The following ZFHX3 variants were observed in gnomAD, a reference collection of about 807,000 sequenced individuals.
ZFHX3 encodes zinc finger homeobox protein 3.
ZFHX3 carries 42 observed loss-of-function variants against 279.1 expected under a neutral mutation model. The observed-to-expected ratio is 0.15, with a 90% CI of 0.12 to 0.19. ZFHX3 has a LOEUF of 0.19. Ranked by LOEUF, ZFHX3 falls within the 10% of genes least tolerant of loss-of-function variation. The pLI is 1.00. For synonymous variants in ZFHX3, 2,293 were observed against 1,957.8 expected (o/e 1.17, Z -4.52); for missense variants, 4,981 against 4,754.0 (o/e 1.05, Z -1.40).
intron 7 of ZFHX3, among the ~76,000 whole-genome samples, chr16:73,093,945 A>G (rs955410952): frequency 2.0e-5 from 3 of 152,356 alleles, no homozygotes; most frequent in African/African-American, 7.2e-5. Flanking sequence ...TGTAGCCGGC[A>G]TGGCACGGGT....
intron 4 of ZFHX3, among the ~76,000 whole-genome samples, chr16:73,306,385 T>G (rs538790878): frequency 7.9e-5 from 12 of 152,242 alleles, no homozygotes; most frequent in Non-Finnish European, 1.8e-4. Context: ...AGTGGTGCCA[T>G]CTCGGCTCAC....
At chr16:72,946,011 T>C (rs1228199445) in intron 3 of ZFHX3, among the ~76,000 whole-genome samples, 1 of 152,224 alleles carries the variant, frequency 6.6e-6, no homozygotes, top group Non-Finnish European at 1.5e-5. Context: ...CCGTCTACCA[T>C]ACGATGATTT....
chr16:72,824,122 T>C (rs1242380055), intron 5 of ZFHX3, among the ~76,000 whole-genome samples: 1 of 152,194 alleles, frequency 6.6e-6, no homozygotes, highest in Admixed American at 6.5e-5. Flanking sequence ...GACCTGCTTT[T>C]TTTCAACCTC....
At chr16:72,833,276 T>A (rs2037108384) in intron 4 of ZFHX3, among the ~76,000 whole-genome samples, 1 of 152,210 alleles carries the variant, frequency 6.6e-6, no homozygotes, top group Non-Finnish European at 1.5e-5. Context: ...TCTTTAGGAA[T>A]GTAGATTTGA....
intron 1 of ZFHX3, among the ~76,000 whole-genome samples, chr16:73,033,092 G>T (rs892365649): frequency 6.6e-6 from 1 of 152,016 alleles, no homozygotes. Context: ...TTGACCCCAC[G>T]CGACAGGGGA....
intron 3 of ZFHX3, among the ~76,000 whole-genome samples, chr16:73,336,321 C>T (rs1434417612): frequency 4.6e-5 from 7 of 152,086 alleles, no homozygotes; most frequent in Admixed American, 1.3e-4. Context: ...GTTTGGTGTA[C>T]AGGGTAATCC....
chr16:73,569,436 C>T (rs546487104), intron 2 of ZFHX3, among the ~76,000 whole-genome samples: 3 of 151,044 alleles, frequency 2.0e-5, no homozygotes, highest in East Asian at 3.9e-4. Context: ...AAAGAGATAC[C>T]GATGTTCCCA....
chr16:73,650,498 G>GA (rs1411680816), intron 2 of ZFHX3, among the ~76,000 whole-genome samples: 3 of 152,208 alleles, frequency 2.0e-5, no homozygotes, highest in South Asian at 2.1e-4. Context: ...AGAGCAGAGA[G>GA]AAAAAAATGA....
chr16:73,417,313 A>G (rs962829153), intron 3 of ZFHX3, among the ~76,000 whole-genome samples: 6 of 152,074 alleles, frequency 3.9e-5, no homozygotes, highest in South Asian at 2.1e-4. Context: ...GACGTGAGTG[A>G]AAACACCGGT....
intron 1 of ZFHX3, among the ~76,000 whole-genome samples, chr16:73,045,182 C>T (rs766738825): frequency 9.2e-5 from 14 of 152,174 alleles, no homozygotes; most frequent in Non-Finnish European, 1.5e-4. Context: ...GGAACAACTG[C>T]ACACAGTGAC....
At chr16:73,665,255 G>A (rs557319883) in intron 2 of ZFHX3, among the ~76,000 whole-genome samples, 11 of 145,030 alleles carry the variant, frequency 7.6e-5, no homozygotes, top group South Asian at 4.3e-4. Context: ...GCTCTGTTGC[G>A]CAGGCTGGAG....
chr16:72,875,345 G>T (rs1485104540), intron 4 of ZFHX3, among the ~76,000 whole-genome samples: 1 of 152,236 alleles, frequency 6.6e-6, no homozygotes, highest in Non-Finnish European at 1.5e-5. Flanking sequence ...GCTTGGTTGT[G>T]AGCCCAGCCC....
intron 1 of ZFHX3, among the ~76,000 whole-genome samples, chr16:73,688,540 G>A (rs989734713): frequency 3.3e-5 from 5 of 152,152 alleles, no homozygotes; most frequent in South Asian, 2.1e-4. Context: ...GTGCAAAGGC[G>A]CCCTGTATGA....
rs1225203361 is a variant in ZFHX3 at position 72,787,433 on chromosome 16, T to C, written c.10843A>G (p.Lys3615Glu). The change falls in exon 10 of 10, where the codon AAG becomes GAG. Residue 3615 changes from lysine (K) to glutamate (E), a missense_variant. By Grantham distance (56) the Lys-to-Glu change is moderately conservative. Transcript: ENST00000268489. ...PSSASPHASRKSWPQVVSRAS... is the reference protein window; with the variant it reads ...PSSASPHASRESWPQVVSRAS... ...CGGGAGACCACTTGCGGCCAAGACT[T>C]CCTGGAGGCGTGGGGGGAAGCGGAG... 4.3e-6 allele frequency: 6 copies of C among 1,398,894 alleles called. No homozygotes were observed. The highest frequency in any genetic ancestry group is 5.7e-6 in the Non-Finnish European group (6 of 1,048,176). The allele number at this position is 1,398,894 out of a possible 1,614,324, so 86.7% of individuals were successfully genotyped here. A position where few individuals can be genotyped will look rare whatever the true frequency, so the allele number is the denominator to read the frequency against.
intron 2 of ZFHX3, among the ~76,000 whole-genome samples, chr16:73,541,052 C>A (rs2020001435): frequency 6.6e-6 from 1 of 152,166 alleles, no homozygotes; most frequent in African/African-American, 2.4e-5. Flanking sequence ...AGGAGTTACC[C>A]CAAAGCACCA....
intron 2 of ZFHX3, chr16:73,487,422 TGGCAG>T: frequency 2.3e-6 from 1 of 435,694 alleles, no homozygotes; most frequent in Non-Finnish European, 4.6e-6. Flanking sequence ...TTTTTTTTTT[TGGCAG>T]AGTCTCGATC....
rs550101833 is a variant in ZFHX3 at position 73,484,538 on chromosome 16, G to A, written c.-1546-28280C>T. The stretch of plus-strand genomic sequence containing the variant: ...CTATGATGAGCTCAGCCCTTTGTGG[G>A]GCATGAGTAAATGAGGCAGAATGGT... On this transcript the variant is annotated intron_variant, in intron 2 of 17. Transcript: ENST00000641206. 7.6e-4 allele frequency among the ~76,000 whole-genome samples: 115 copies of A among 152,244 alleles called. 3 individuals are homozygous for A. In the South Asian group the frequency reaches 0.022, roughly 29 times the overall value.
At chr16:73,016,578 CCT>C (rs928834851) in intron 1 of ZFHX3, among the ~76,000 whole-genome samples, 2 of 152,048 alleles carry the variant, frequency 1.3e-5, no homozygotes, top group Non-Finnish European at 2.9e-5. Context: ...TCTCCTGATG[CCT>C]CTCAAAATAA....
At chr16:73,144,624 C>G (rs188152836) in intron 5 of ZFHX3, among the ~76,000 whole-genome samples, 2 of 152,156 alleles carry the variant, frequency 1.3e-5, no homozygotes. Context: ...TTATACACCA[C>G]GCTGTGTCCT....
Sources: gnomAD v4.1 joint callset for allele counts (sites outside exome capture counted in the v4.1 genomes callset) on GRCh38, gnomAD v4.1.1 for gene constraint, MANE v1.5 for transcripts, NCBI Gene and HGNC (gene_info 2026-07-23, HGNC 2026-07-21) for gene names.